Variants in MS4A14 observed in about 807,000 individuals in gnomAD.
The protein encoded by MS4A14 is membrane-spanning 4-domains subfamily A member 14.
In MS4A14, 18 loss-of-function variants were observed where a neutral mutation model predicts 16.7. The ratio of observed to expected loss-of-function variants is 1.08; its 90% CI spans 0.75 to 1.60. MS4A14 has a LOEUF of 1.60. Ranked by LOEUF, MS4A14 falls within the 40% of genes most tolerant of loss-of-function variation. MS4A14 has a pLI of 0.00. For missense variants in MS4A14, 812 were observed against 775.3 expected (o/e 1.05, Z -0.56); for synonymous variants, 305 against 289.4 (o/e 1.05, Z -0.55).
chr11:60,408,302 C>T (rs994574651), intron 4 of MS4A14, among the ~76,000 whole-genome samples: 3 of 152,162 alleles, frequency 2.0e-5, no homozygotes, highest in Non-Finnish European at 2.9e-5. Context: ...AATTCTTTTG[C>T]ATTGTGGTGA....
intron 2 of MS4A14, among the ~76,000 whole-genome samples, chr11:60,399,456 C>T (rs978927997): frequency 3.9e-5 from 6 of 152,108 alleles, no homozygotes; most frequent in East Asian, 3.8e-4. Context: ...GTAACCAGGT[C>T]GTGCCAACCC....
At chr11:60,399,212 C>T (rs1161192138) in intron 2 of MS4A14, among the ~76,000 whole-genome samples, 1 of 152,162 alleles carries the variant, frequency 6.6e-6, no homozygotes, top group Non-Finnish European at 1.5e-5. Context: ...TACACTTGTG[C>T]TAAGTGCTCT....
chr11:60,399,820 C>T (rs2085683760), intron 2 of MS4A14, among the ~76,000 whole-genome samples: 1 of 152,066 alleles, frequency 6.6e-6, no homozygotes, highest in Admixed American at 6.6e-5. Flanking sequence ...AGCTGCAGAT[C>T]CTTGGACTCT....
chr11:60,405,353 A>AC (rs1409906734), intron 4 of MS4A14, among the ~76,000 whole-genome samples: 2 of 152,252 alleles, frequency 1.3e-5, no homozygotes, highest in Non-Finnish European at 2.9e-5. Context: ...TGCTGGGATT[A>AC]CAGGCGTGAG....
chr11:60,406,033 T>C (rs2085781547), intron 4 of MS4A14: 2 of 1,224,944 alleles, frequency 1.6e-6, no homozygotes, highest in African/African-American at 1.6e-5. Context: ...CAGGTTCCTG[T>C]TCCTGTTGGG....
chr11:60,410,015 A>AATTTTT (rs1392367137), intron 4 of MS4A14, among the ~76,000 whole-genome samples: 6 of 151,946 alleles, frequency 3.9e-5, no homozygotes, highest in Admixed American at 2.6e-4. Context: ...CACCCACATA[A>AATTTTT]ATTTTTATTT....
At position 60,397,944 on chromosome 11, in the gene MS4A14, T is replaced by C; in HGVS notation, c.231T>C (p.Val77=). 6.2e-7 allele frequency: 1 copy of C among 1,613,672 alleles called. No individual in the cohort carries two copies. Among genetic ancestry groups the C allele is most frequent in the Non-Finnish European group, 8.5e-7 (1 of 1,179,670 alleles). The change falls in exon 2 of 5, where the codon GTT becomes GTC. Residue 77 remains valine, a synonymous_variant. Transcript: ENST00000300187. ...GTTTCTCCCAAAGACTTCCCCTTGT[T>C]GTCCTCACAGGATATCCATTCTGGG... is the stretch of plus-strand genomic sequence containing the variant. ...YIGFSQRLPL[V]VLTGYPFWGA...
intron 3 of MS4A14, among the ~76,000 whole-genome samples, chr11:60,400,876 A>C (rs563662309): frequency 1.4e-4 from 22 of 152,200 alleles, no homozygotes; most frequent in Non-Finnish European, 2.6e-4. Flanking sequence ...CCCCAACACA[A>C]AAATTATCCA....
At chr11:60,398,103 C>T (rs150438294) in intron 2 of MS4A14, 123 bp downstream of exon 2, 19 of 982,358 alleles carry the variant, frequency 1.9e-5, no homozygotes, top group Non-Finnish European at 2.5e-5. Context: ...AGGCAGCTCC[C>T]TTCACGGCAA....
chr11:60,402,983 C>G lies in MS4A14; in HGVS notation c.390C>G (p.Leu130=). The G allele has an allele frequency of 6.2e-7, 1 of 1,613,840 alleles. No homozygotes were observed. Among genetic ancestry groups the G allele is most frequent in the East Asian group, 2.2e-5 (1 of 44,864 alleles). The change falls in exon 4 of 5, where the codon CTC becomes CTG. Residue 130 remains leucine, a synonymous_variant. Coordinates refer to ENST00000300187, the MANE Select transcript of MS4A14 (RefSeq NM_032597.5). The part of the protein sequence containing the change: ...VAITGITFTI[L]SYRHQDKYCQ... Reference sequence around the variant, plus strand: ...TAACTGGGATTACTTTCACCATTCTCAGCTACAGACATCAAGACAAGTACT... The same window carrying G: ...TAACTGGGATTACTTTCACCATTCTGAGCTACAGACATCAAGACAAGTACT...
Position 60,417,098 on chromosome 11 carries a change from G to A in MS4A14, c.*90G>A. On this transcript the variant is annotated 3_prime_UTR_variant, in exon 5 of 5. Transcript: ENST00000300187. ...AACACAGGATCTATTAGAGAAAGAA[G>A]CCCTAAAGCAGAAAGCTCTATACCA... 1 of 1,475,262 alleles carries A rather than the reference G, an allele frequency of 6.8e-7. No individual in the cohort carries two copies. The highest frequency in any genetic ancestry group is 9.0e-7 in the Non-Finnish European group (1 of 1,112,850). 91.4% of individuals were successfully genotyped at this position (1,475,262 alleles called of 1,614,324 possible).
chr11:60,400,360 C>T, intron 2 of MS4A14, 44 bp from the exon 3 acceptor site: 1 of 1,376,400 alleles, frequency 7.3e-7, no homozygotes, highest in Non-Finnish European at 1.0e-6. Flanking sequence ...GCAAGGTGGT[C>T]AAACACATCA....
At chr11:60,404,953 T>C (rs2085765645) in intron 4 of MS4A14, among the ~76,000 whole-genome samples, 1 of 152,210 alleles carries the variant, frequency 6.6e-6, no homozygotes, top group African/African-American at 2.4e-5. Flanking sequence ...TTGCATACAA[T>C]AGGGTCTTCA....
Position 60,416,749 on chromosome 11 carries a change from A to T in MS4A14, c.1781A>T (p.Glu594Val). 3 of 1,613,646 alleles carry T rather than the reference A, an allele frequency of 1.9e-6. No homozygotes were observed. Among genetic ancestry groups the T allele is most frequent in the Non-Finnish European group, 2.5e-6 (3 of 1,179,838 alleles). Residue 594 changes from glutamate (E) to valine (V), a missense_variant, in exon 5 of 5, where the codon GAG (glutamate) becomes GTG (valine). Glu to Val is a moderately radical substitution (Grantham distance 121). Transcript: ENST00000300187. ...GQVKDQQTDK[E>V]QNSKKQTQDQ... ...GTTAAAGACCAGCAGACTGATAAGG[A>T]GCAAAACTCAAAGAAGCAAACCCAG...
rs1471218020 is a variant in MS4A14, at chr11:60,417,056, G to A, written c.*48G>A. ...TTATAAAGCACGAGAATGGCAATTT[G>A]AAATGAAGCACTGGCAAACACAGGA... On this transcript the variant is annotated 3_prime_UTR_variant, in exon 5 of 5. Coordinates refer to ENST00000300187, the MANE Select transcript of MS4A14 (RefSeq NM_032597.5). 1.3e-6 allele frequency: 2 copies of A among 1,561,504 alleles called. No individual in the cohort carries two copies. Among genetic ancestry groups the A allele is most frequent in the Non-Finnish European group, 1.7e-6 (2 of 1,158,044 alleles).
intron 1 of MS4A14, among the ~76,000 whole-genome samples, chr11:60,397,188 G>A (rs2085638628): frequency 6.6e-6 from 1 of 152,166 alleles, no homozygotes; most frequent in African/African-American, 2.4e-5. Flanking sequence ...CCAGAGATGT[G>A]GCCTGGGGAC....
chr11:60,415,243 A>G (rs2085920690), intron 4 of MS4A14, among the ~76,000 whole-genome samples, 194 bp from the exon 5 acceptor site: 1 of 152,132 alleles, frequency 6.6e-6, no homozygotes, highest in South Asian at 2.1e-4. Context: ...TTGAAAGACT[A>G]AAAGGTGATG....
In MS4A14 at chr11:60,416,759, AAAG is replaced by A. The variant is rs1320704115; in HGVS notation, c.1795_1797del (p.Lys599del). 7 of 1,613,400 alleles carry A rather than the reference AAAG, an allele frequency of 4.3e-6. No homozygotes were observed. The highest frequency in any genetic ancestry group is 5.1e-6 in the Non-Finnish European group (6 of 1,179,774). ...AGCAGACTGATAAGGAGCAAAACTC[AAAG>A]AAGCAAACCCAGGATCAGCAAACTG... On this transcript the variant is annotated inframe_deletion, in exon 5 of 5. Coordinates refer to ENST00000300187, the MANE Select transcript of MS4A14 (RefSeq NM_032597.5).
chr11:60,416,425 A>G lies in MS4A14; in HGVS notation c.1457A>G (p.His486Arg). 6.2e-7 allele frequency: 1 copy of G among 1,614,030 alleles called. No individual in the cohort carries two copies. ...CATAGAAGAAAATCCTCAAGACGGC[A>G]TTCCTTAAACCAGCAAACCAAAGCC... ...ELHRRKSSRRHSLNQQTKALQ... is the reference protein window; with the variant it reads ...ELHRRKSSRRRSLNQQTKALQ... Residue 486 changes from histidine to arginine, a missense_variant, in exon 5 of 5, where the codon CAT becomes CGT. By Grantham distance (29) the His-to-Arg change is conservative. Coordinates refer to ENST00000300187, the MANE Select transcript of MS4A14 (RefSeq NM_032597.5).
Sources: gnomAD v4.1 joint callset for allele counts (sites outside exome capture counted in the v4.1 genomes callset) on GRCh38, gnomAD v4.1.1 for gene constraint, MANE v1.5 for transcripts, NCBI Gene and HGNC (gene_info 2026-07-23, HGNC 2026-07-21) for gene names.